Variants in TTLL11 observed in about 807,000 individuals in gnomAD.
TTLL11 encodes tubulin tyrosine ligase like 11, also known as tubulin polyglutamylase TTLL11.
Under a neutral mutation model 51.7 loss-of-function variants are expected in TTLL11, and 42 were observed. The ratio of observed to expected loss-of-function variants is 0.81; its 90% confidence interval spans 0.64 to 1.05. The LOEUF (loss-of-function observed/expected upper bound fraction) is 1.05. Ranked by LOEUF, TTLL11 falls within the 50% of genes least tolerant of loss-of-function variation. The pLI is 0.00. For missense variants in TTLL11, 799 were observed against 940.4 expected (o/e 0.85, Z 1.97); for synonymous variants, 381 against 383.5 (o/e 0.99, Z 0.08).
chr9:122,066,151 T>G (rs987371328), intron 1 of TTLL11, among the ~76,000 whole-genome samples: 1 of 151,882 alleles, frequency 6.6e-6, no homozygotes, highest in Non-Finnish European at 1.5e-5. Context: ...CAGACTGAAG[T>G]GACACCAGCT....
chr9:122,031,895 G>A (rs1014950821), intron 2 of TTLL11, 39 bp from the exon 3 acceptor site: 6 of 1,590,134 alleles, frequency 3.8e-6, no homozygotes, highest in Admixed American at 1.7e-5. Flanking sequence ...AACAACAGTG[G>A]GCTACTAGCT....
intron 8 of TTLL11, among the ~76,000 whole-genome samples, chr9:121,842,546 G>A (rs929845579): frequency 6.6e-6 from 1 of 152,222 alleles, no homozygotes; most frequent in Admixed American, 6.5e-5. Context: ...ACAGGCATGA[G>A]CTACTGTGTG....
intron 3 of TTLL11, among the ~76,000 whole-genome samples, chr9:122,008,504 T>G (rs1843713208): frequency 6.6e-6 from 1 of 152,200 alleles, no homozygotes; most frequent in African/African-American, 2.4e-5. Flanking sequence ...ATCAGAGAAC[T>G]GCAAATTAAT....
intron 6 of TTLL11, among the ~76,000 whole-genome samples, chr9:121,911,790 GA>G (rs1188059658): frequency 2.6e-5 from 4 of 152,054 alleles, no homozygotes; most frequent in Admixed American, 1.3e-4. Context: ...TGGGGGTGGG[GA>G]ACTAGGGGAG....
chr9:121,991,614 T>C lies in TTLL11; in HGVS notation c.694-1844A>G, dbSNP rs189206078. Among the ~76,000 whole-genome samples, 113 of 152,342 alleles carry C rather than the reference T, an allele frequency of 7.4e-4. 1 individual carries two copies. The highest frequency in any genetic ancestry group is 1.2e-3 in the Non-Finnish European group (83 of 68,022). Reference sequence around the variant, plus strand: ...AAAGCTTTTGCTATGCCGAAGACACTAACAGTTCAATATATTATCCAGAGC... The same window carrying C: ...AAAGCTTTTGCTATGCCGAAGACACCAACAGTTCAATATATTATCCAGAGC... On this transcript the variant is annotated intron_variant, in intron 3 of 8. Coordinates refer to ENST00000321582, the MANE Select transcript of TTLL11 (RefSeq NM_001139442.2).
intron 3 of TTLL11, among the ~76,000 whole-genome samples, chr9:121,993,906 T>G (rs1268054411): frequency 2.0e-5 from 3 of 152,188 alleles, no homozygotes. Context: ...TCTTAGCAAC[T>G]CAGACCTTTG....
rs181357471 is a variant in TTLL11 at position 122,002,337 on chromosome 9, C to G, written c.694-12567G>C. Among the ~76,000 whole-genome samples, 23 of 152,298 alleles carry G rather than the reference C, an allele frequency of 1.5e-4. No homozygotes were observed. The East Asian group carries it at 2.1e-3, about 14-fold the overall frequency. Reference sequence around the variant, plus strand: ...AAATTTACTTTCCCTTTGGGGATATCTCGCTAGCCACTACCACGACCACAA... The same window carrying G: ...AAATTTACTTTCCCTTTGGGGATATGTCGCTAGCCACTACCACGACCACAA... On this transcript the variant is annotated intron_variant, in intron 3 of 8. Coordinates refer to ENST00000321582, the MANE Select transcript of TTLL11 (RefSeq NM_001139442.2).
At chr9:121,997,253 G>A (rs935784953) in intron 3 of TTLL11, among the ~76,000 whole-genome samples, 5 of 151,856 alleles carry the variant, frequency 3.3e-5, no homozygotes, top group Non-Finnish European at 7.4e-5. Flanking sequence ...CCGTCGTACC[G>A]TGAGACTCTC....
intron 1 of TTLL11, among the ~76,000 whole-genome samples, chr9:122,087,357 A>G (rs1300451050): frequency 2.6e-5 from 4 of 152,150 alleles, no homozygotes; most frequent in African/African-American, 9.7e-5. Context: ...CACGAGCATA[A>G]AACAGTACAA....
At chr9:121,863,517 A>G (rs1409986202) in intron 7 of TTLL11, among the ~76,000 whole-genome samples, 1 of 152,208 alleles carries the variant, frequency 6.6e-6, no homozygotes, top group Admixed American at 6.5e-5. Context: ...CTTTAGCAGG[A>G]GCCGTAATTT....
chr9:121,858,968 G>T (rs1003557897), intron 8 of TTLL11, among the ~76,000 whole-genome samples: 5 of 152,320 alleles, frequency 3.3e-5, no homozygotes, highest in Admixed American at 2.0e-4. Flanking sequence ...CTTTTGGAGG[G>T]AGGCAGCCAG....
In TTLL11 at chr9:121,878,993, T is replaced by G. The variant is rs142032116; in HGVS notation, c.1482-8245A>C. Among the ~76,000 whole-genome samples, 1,343 of 152,286 alleles carry G rather than the reference T, an allele frequency of 8.8e-3. 60 individuals carry two copies. Among genetic ancestry groups the G allele is most frequent in the Admixed American group, 0.065 (990 of 15,294 alleles). On this transcript the variant is annotated intron_variant, in intron 6 of 8. Coordinates refer to ENST00000321582, the MANE Select transcript of TTLL11 (RefSeq NM_001139442.2). ...TCCCAGCTCTGCCACTCACAAGCTG[T>G]GTGACCTTGGGCAAGTCATACAGTC...
intron 8 of TTLL11, among the ~76,000 whole-genome samples, chr9:121,851,180 G>T (rs534924614): frequency 1.3e-5 from 2 of 152,302 alleles, no homozygotes; most frequent in Admixed American, 1.3e-4. Flanking sequence ...CTCACGGAGG[G>T]GAGGGCTGAA....
intron 1 of TTLL11, among the ~76,000 whole-genome samples, chr9:122,074,605 A>G (rs1845811421): frequency 6.6e-6 from 1 of 151,986 alleles, no homozygotes. Context: ...CAAATTCAAT[A>G]ATCAAGAGAC....
chr9:121,834,760 G>A (rs539586266), intron 8 of TTLL11, among the ~76,000 whole-genome samples: 2 of 152,034 alleles, frequency 1.3e-5, no homozygotes, highest in East Asian at 3.9e-4. Flanking sequence ...CCAGGATAGG[G>A]AGGTTGCAGT....
At chr9:122,018,970 A>G (rs1844080317) in intron 3 of TTLL11, among the ~76,000 whole-genome samples, 1 of 152,224 alleles carries the variant, frequency 6.6e-6, no homozygotes, top group South Asian at 2.1e-4. Flanking sequence ...AACACTTGCC[A>G]TCTCCAAGGA....
intron 8 of TTLL11, among the ~76,000 whole-genome samples, chr9:121,828,809 C>CAGAGGTATT (rs1564261921): frequency 3.9e-5 from 6 of 151,914 alleles, no homozygotes; most frequent in Non-Finnish European, 2.9e-5. Flanking sequence ...ATACCTAAAA[C>CAGAGGTATT]CTTACAGAGG....
chr9:121,943,522 C>T (rs1588143771), intron 6 of TTLL11, among the ~76,000 whole-genome samples: 1 of 152,184 alleles, frequency 6.6e-6, no homozygotes, highest in East Asian at 1.9e-4. Context: ...AATGGAAGAT[C>T]ATTTAGGCCT....
chr9:121,975,841 TAAG>T (rs1842695204), intron 4 of TTLL11, among the ~76,000 whole-genome samples: 1 of 152,186 alleles, frequency 6.6e-6, no homozygotes, highest in Non-Finnish European at 1.5e-5. Context: ...CCCTCTTAGT[TAAG>T]AAGACAGGAA....
Sources: allele counts gnomAD v4.1 joint callset (sites outside exome capture counted in the v4.1 genomes callset), GRCh38; gene constraint gnomAD v4.1.1; transcripts MANE v1.5; gene names NCBI Gene and HGNC (gene_info 2026-07-23, HGNC 2026-07-21).